Variants in TBC1D7 observed in about 807,000 individuals in gnomAD.
The protein encoded by TBC1D7 is TBC1 domain family member 7.
A neutral mutation model predicts 35.3 loss-of-function variants in TBC1D7; 33 were observed. That is an observed-to-expected ratio of 0.93 (90% CI 0.71 to 1.25). The LOEUF (loss-of-function observed/expected upper bound fraction) is 1.25, where lower values mean the gene tolerates loss of function less well. Among genes scored for constraint, TBC1D7 ranks in the 50% most tolerant of loss-of-function variants. The probability of loss-of-function intolerance (pLI) is 0.00; values close to 1 mark genes in which losing one functional copy is unlikely to be tolerated. For synonymous variants in TBC1D7, 135 were observed against 129.5 expected (o/e 1.04, Z -0.29); for missense variants, 362 against 365.3 (o/e 0.99, Z 0.07).
chr6:13,322,078 G>C (rs1236814778), intron 3 of TBC1D7, among the ~76,000 whole-genome samples: 1 of 151,994 alleles, frequency 6.6e-6, no homozygotes, highest in African/African-American at 2.4e-5. Flanking sequence ...GGGAAACCCT[G>C]TCTCTACAAA....
At chr6:13,316,017 C>T (rs2496158) in intron 5 of TBC1D7, among the ~76,000 whole-genome samples, 4 of 152,262 alleles carry the variant, frequency 2.6e-5, no homozygotes, top group Non-Finnish European at 4.4e-5. Context: ...AGAACACAGA[C>T]GTCATGGCCG....
Position 13,316,712 on chromosome 6 carries a change from A to C in TBC1D7, c.382-4T>G. 1.2e-6 allele frequency: 2 copies of C among 1,613,388 alleles called. No homozygotes were observed. The highest frequency in any genetic ancestry group is 1.7e-6 in the Non-Finnish European group (2 of 1,179,764). ...GAAACACTTCATCATCTGGCTCCTGAAAGATTAATAATAAATCTCAAGAGG... is the reference window on the plus strand; with the variant it reads ...GAAACACTTCATCATCTGGCTCCTGCAAGATTAATAATAAATCTCAAGAGG... On this transcript the variant is annotated splice_region_variant and splice_polypyrimidine_tract_variant and intron_variant, in intron 4 of 7. Transcript: ENST00000379300.
rs148758165 is a variant in TBC1D7, at chr6:13,324,324, T to G, written c.193+770A>C. Among the ~76,000 whole-genome samples the G allele has an allele frequency of 4.6e-5, 7 of 152,266 alleles. No individual in the cohort carries two copies. The East Asian group carries it at 1.2e-3, about 25-fold the overall frequency. On this transcript the variant is annotated intron_variant, in intron 3 of 7. Transcript: ENST00000379300. ...TTGTATTTTTAGTAGAGAGGGGGTT[T>G]CACCCTTGTTGGCCAGGATGGTCTC...
In TBC1D7 at chr6:13,306,506, A is replaced by T. The variant is rs1173908853; in HGVS notation, c.687T>A (p.Ser229Arg). 2 of 1,602,706 alleles carry T rather than the reference A, an allele frequency of 1.2e-6. No homozygotes were observed. The highest frequency in any genetic ancestry group is 1.7e-6 in the Non-Finnish European group (2 of 1,176,106). The stretch of plus-strand genomic sequence containing the variant: ...CAAAAACTAGGATCTTACAGGATCC[A>T]CTCACAACTTTATCCCAAACCCTAC... The part of the protein sequence containing the change: ...SLQRVWDKVV[S>R]GSCKILVFVA... Residue 229 changes from serine to arginine, a missense_variant, in exon 7 of 8, where the codon AGT (serine) becomes AGA (arginine). Coordinates refer to ENST00000379300, the MANE Select transcript of TBC1D7 (RefSeq NM_016495.6).
intron 1 of TBC1D7, 28 bp from the exon 2 acceptor site, chr6:13,326,934 G>A: frequency 7.5e-7 from 1 of 1,338,632 alleles, no homozygotes; most frequent in South Asian, 1.3e-5. Context: ...AAGACAGAAA[G>A]GGAGAGAAAG....
In TBC1D7 at chr6:13,306,518, A is replaced by C. The variant is rs1317636175; in HGVS notation, c.675T>G (p.Asp225Glu). ...TCTTACAGGATCCACTCACAACTTT[A>C]TCCCAAACCCTACAAAAATAAGGAG... Reference protein sequence around the residue: ...LPESSLQRVWDKVVSGSCKIL... With the variant: ...LPESSLQRVWEKVVSGSCKIL... Residue 225 changes from aspartate (D) to glutamate (E), a missense_variant, in exon 7 of 8, where the codon GAT becomes GAG. Asp to Glu is a conservative substitution (Grantham distance 45). Transcript: ENST00000379300. 1 of 1,592,574 alleles carries C rather than the reference A, an allele frequency of 6.3e-7. No homozygotes were observed. The highest frequency in any genetic ancestry group is 1.4e-5 in the African/African-American group (1 of 73,620).
At chr6:13,320,714 T>A in intron 4 of TBC1D7, 194 bp downstream of exon 4, 4 of 688,530 alleles carry the variant, frequency 5.8e-6, no homozygotes, top group South Asian at 1.6e-5. Context: ...AAACGTATTT[T>A]AAAAAAACAA....
intron 5 of TBC1D7, 28 bp from the exon 6 acceptor site, chr6:13,307,773 T>A: frequency 6.2e-7 from 1 of 1,601,400 alleles, no homozygotes; most frequent in South Asian, 1.1e-5. Flanking sequence ...ACAGAGATTA[T>A]TCATTTTCTG....
At chr6:13,317,896 C>G (rs762622942) in intron 4 of TBC1D7, among the ~76,000 whole-genome samples, 2 of 152,202 alleles carry the variant, frequency 1.3e-5, no homozygotes, top group Non-Finnish European at 2.9e-5. Context: ...CTGTCCCCTC[C>G]GAAACTTATG....
chr6:13,316,548 CAAA>C lies in TBC1D7; in HGVS notation c.519+20_519+22del, dbSNP rs72202814. The stretch of plus-strand genomic sequence containing the variant: ...CTACCATTGTTCACTCTCCAATAGC[CAAA>C]AAAAAAAAAAAGCCCTCACCAACTG... On this transcript the variant is annotated intron_variant, in intron 5 of 7. Transcript: ENST00000379300. 9.2e-4 allele frequency: 1,374 copies of C among 1,491,096 alleles called. No homozygotes were observed. The African/African-American group carries it at 0.014, about 15-fold the overall frequency. The allele number at this position is 1,491,096 out of a possible 1,614,324, so 92.4% of individuals were successfully genotyped here. A position where few individuals can be genotyped will look rare whatever the true frequency, so the allele number is the denominator to read the frequency against.
intron 3 of TBC1D7, among the ~76,000 whole-genome samples, chr6:13,322,122 T>C (rs936017332): frequency 1.3e-5 from 2 of 151,974 alleles, no homozygotes; most frequent in African/African-American, 4.8e-5. Context: ...ATGCCTGTAG[T>C]CCCAGCTACC....
rs144676758 is a variant in TBC1D7, at chr6:13,316,952, C to T, written c.382-244G>A. On this transcript the variant is annotated intron_variant, in intron 4 of 7. Transcript: ENST00000379300. ...TTCAGGCTGAGTGTACAGACACTCC[C>T]CAGCTTCTAACATTAAGCCCCTCAC... is the stretch of plus-strand genomic sequence containing the variant. Among the ~76,000 whole-genome samples the T allele has an allele frequency of 3.5e-3, 532 of 152,200 alleles. 2 individuals are homozygous for T. Among genetic ancestry groups the T allele is most frequent in the African/African-American group, 0.012 (478 of 41,514 alleles).
At chr6:13,327,075 C>T in intron 1 of TBC1D7, 169 bp from the exon 2 acceptor site, 1 of 487,932 alleles carries the variant, frequency 2.0e-6, no homozygotes, top group South Asian at 2.9e-5. Flanking sequence ...TAACTCAGTT[C>T]TGCAACTATC....
chr6:13,322,028 G>A (rs1784078922), intron 3 of TBC1D7, among the ~76,000 whole-genome samples: 1 of 152,206 alleles, frequency 6.6e-6, no homozygotes, highest in African/African-American at 2.4e-5. Flanking sequence ...CTTGAGCCCA[G>A]AAGTTCAAGA....
intron 3 of TBC1D7, among the ~76,000 whole-genome samples, chr6:13,324,256 T>C (rs1784258951): frequency 6.6e-6 from 1 of 152,120 alleles, no homozygotes; most frequent in Non-Finnish European, 1.5e-5. Context: ...GCCTTCCAGG[T>C]AGCTGGGACT....
At chr6:13,315,858 C>G (rs1783570574) in intron 5 of TBC1D7, among the ~76,000 whole-genome samples, 1 of 152,184 alleles carries the variant, frequency 6.6e-6, no homozygotes, top group East Asian at 1.9e-4. Context: ...AGAGTATCAA[C>G]TATGCTGGGG....
At chr6:13,322,020 T>TA (rs1784078473) in intron 3 of TBC1D7, among the ~76,000 whole-genome samples, 1 of 152,188 alleles carries the variant, frequency 6.6e-6, no homozygotes, top group Non-Finnish European at 1.5e-5. Context: ...GCAGATCACT[T>TA]GAGCCCAGAA....
At chr6:13,327,840 C>T (rs975711779) in intron 1 of TBC1D7, 1 of 152,222 alleles carries the variant, frequency 6.6e-6, no homozygotes, top group Non-Finnish European at 1.5e-5. Flanking sequence ...CACCCAAATG[C>T]TTCCAGCGTC....
At chr6:13,307,888 T>A in intron 5 of TBC1D7, 143 bp from the exon 6 acceptor site, 1 of 901,646 alleles carries the variant, frequency 1.1e-6, no homozygotes, top group Non-Finnish European at 1.6e-6. Context: ...AAGTCACTTG[T>A]GACACAGCAG....
Sources: allele counts gnomAD v4.1 joint callset (sites outside exome capture counted in the v4.1 genomes callset), GRCh38; gene constraint gnomAD v4.1.1; transcripts MANE v1.5; gene names NCBI Gene and HGNC (gene_info 2026-07-23, HGNC 2026-07-21).